Variants in NRXN3 observed in about 807,000 individuals in gnomAD.
The protein encoded by NRXN3 is neurexin III.
In NRXN3, 32 loss-of-function variants were observed where a neutral mutation model predicts 137.6. The observed-to-expected ratio is 0.23, with a 90% confidence interval of 0.18 to 0.31. NRXN3 has a LOEUF of 0.31. NRXN3 is among the 10% of genes least tolerant of loss of function. NRXN3 has a pLI of 1.00. For synonymous variants in NRXN3, 798 were observed against 784.5 expected, an observed-to-expected ratio of 1.02 and a Z score of -0.29; for missense variants, 1,574 against 2,062.5, an observed-to-expected ratio of 0.76 and a Z score of 4.59.
chr14:79,042,814 A>G (rs1392113502), intron 15 of NRXN3, among the ~76,000 whole-genome samples: 1 of 152,154 alleles, frequency 6.6e-6, no homozygotes, highest in Non-Finnish European at 1.5e-5. Context: ...AATTCTTGTA[A>G]ATTGGTATGG....
intron 10 of NRXN3, among the ~76,000 whole-genome samples, chr14:78,955,632 G>A (rs1158216138): frequency 6.6e-6 from 1 of 152,072 alleles, no homozygotes; most frequent in African/African-American, 2.4e-5. Flanking sequence ...AGCTTTGGGT[G>A]CATTCTGAAA....
chr14:78,322,268 T>A (rs1026530922), intron 4 of NRXN3, among the ~76,000 whole-genome samples: 10 of 151,920 alleles, frequency 6.6e-5, no homozygotes, highest in Non-Finnish European at 1.3e-4. Context: ...GCCACAGATG[T>A]TAGGAAAAGG....
intron 19 of NRXN3, among the ~76,000 whole-genome samples, chr14:79,757,565 A>ATGTT (rs1220836351): frequency 6.6e-6 from 1 of 152,176 alleles, no homozygotes; most frequent in Non-Finnish European, 1.5e-5. Context: ...GCATATGTGT[A>ATGTT]TGTTTGTATC....
At chr14:78,171,551 G>C (rs1011445967) in intron 1 of NRXN3, among the ~76,000 whole-genome samples, 6 of 151,682 alleles carry the variant, frequency 4.0e-5, no homozygotes, top group Non-Finnish European at 7.4e-5. Context: ...GCATTGTGCT[G>C]TACCCAGAGT....
At chr14:78,791,547 G>C (rs946482209) in intron 8 of NRXN3, among the ~76,000 whole-genome samples, 1 of 152,084 alleles carries the variant, frequency 6.6e-6, no homozygotes, top group East Asian at 1.9e-4. Flanking sequence ...TATATGAAAA[G>C]AAACTTAGTA....
intron 10 of NRXN3, among the ~76,000 whole-genome samples, chr14:78,818,200 C>A (rs556830029): frequency 2.0e-5 from 3 of 151,894 alleles, no homozygotes; most frequent in Non-Finnish European, 4.4e-5. Context: ...CACCTGCACA[C>A]ACAAAGAGTG....
At chr14:78,333,352 G>A (rs1419613484) in intron 4 of NRXN3, among the ~76,000 whole-genome samples, 2 of 152,192 alleles carry the variant, frequency 1.3e-5, no homozygotes, top group African/African-American at 4.8e-5. Context: ...TTTAGTGCGT[G>A]CCTACTGTGT....
rs1241405691 is a variant in NRXN3 at position 79,773,629 on chromosome 14, G to T, written c.4015-31483G>T. The stretch of plus-strand genomic sequence containing the variant: ...AACATCACACTCTGGGGACTGTTTT[G>T]GGGTGGGGGGAGGGGGGAGGGATAG... On this transcript the variant is annotated intron_variant, in intron 19 of 20. Transcript: ENST00000335750. Among the ~76,000 whole-genome samples the T allele has an allele frequency of 3.4e-5, 4 of 116,500 alleles. No individual in the cohort carries two copies. In the Admixed American group the frequency reaches 4.0e-4, roughly 12 times the overall value. 76.4% of individuals were successfully genotyped at this position (116,500 alleles called of 152,430 possible).
chr14:78,732,274 A>T (rs1168579564), intron 8 of NRXN3, among the ~76,000 whole-genome samples: 1 of 152,200 alleles, frequency 6.6e-6, no homozygotes, highest in African/African-American at 2.4e-5. Flanking sequence ...GTTTAACACT[A>T]TACCCACTCT....
intron 4 of NRXN3, among the ~76,000 whole-genome samples, chr14:78,612,548 G>A (rs142388893): frequency 1.1e-3 from 161 of 152,254 alleles, no homozygotes; most frequent in African/African-American, 3.8e-3. Context: ...GCAAAATTTT[G>A]TATGGATAAG....
intron 20 of NRXN3, among the ~76,000 whole-genome samples, chr14:79,831,671 C>T (rs547632586): frequency 4.6e-5 from 7 of 152,156 alleles, no homozygotes; most frequent in East Asian, 1.9e-4. Context: ...CAGTTTGTAC[C>T]GACTACTCAT....
In NRXN3 at chr14:79,861,848, C is replaced by A; in HGVS notation, c.4600C>A (p.Arg1534=). 6.2e-7 allele frequency: 1 copy of A among 1,614,024 alleles called. No individual in the cohort carries two copies. The highest frequency in any genetic ancestry group is 8.5e-7 in the Non-Finnish European group (1 of 1,180,024). Residue 1534 remains arginine, a synonymous_variant, in exon 21 of 21, where the codon CGG becomes AGG. Coordinates refer to ENST00000335750, the MANE Select transcript of NRXN3 (RefSeq NM_001330195.2). The surrounding 1 kb of genome is among the most constrained non-coding windows in gnomAD (Gnocchi z 5.4). ...GGGGTCCTATCAAGTGGACGAGACG[C>A]GGAACTACATCAGCAACTCCGCCCA... ...DEGSYQVDET[R]NYISNSAQSN... is the part of the protein sequence containing the mutation.
intron 15 of NRXN3, among the ~76,000 whole-genome samples, chr14:79,023,964 G>A (rs1454000489): frequency 6.6e-6 from 1 of 152,134 alleles, no homozygotes; most frequent in Non-Finnish European, 1.5e-5. Flanking sequence ...CATTCTTCAA[G>A]TGGCTATGTT....
At chr14:78,342,761 C>T (rs947019474) in intron 4 of NRXN3, among the ~76,000 whole-genome samples, 1 of 152,182 alleles carries the variant, frequency 6.6e-6, no homozygotes, top group Admixed American at 6.6e-5. Flanking sequence ...GTACCCCTTT[C>T]CTGGTCCCCA....
intron 15 of NRXN3, among the ~76,000 whole-genome samples, chr14:79,027,183 T>TC (rs1372658557): frequency 1.3e-5 from 2 of 151,518 alleles, no homozygotes; most frequent in Non-Finnish European, 2.9e-5. Context: ...AGCCATATAT[T>TC]CTTTTTTTTT....
intron 4 of NRXN3, among the ~76,000 whole-genome samples, chr14:78,450,438 G>T (rs2094524560): frequency 6.6e-6 from 1 of 152,186 alleles, no homozygotes; most frequent in Non-Finnish European, 1.5e-5. Context: ...CAGGAACTGT[G>T]CTCCAGTCTT....
At chr14:78,819,359 C>A (rs377035180) in intron 10 of NRXN3, among the ~76,000 whole-genome samples, 4 of 151,922 alleles carry the variant, frequency 2.6e-5, no homozygotes, top group African/African-American at 7.3e-5. Flanking sequence ...CAATAAAAAA[C>A]CAATATAACA....
At chr14:78,319,837 G>T (rs531531032) in intron 4 of NRXN3, among the ~76,000 whole-genome samples, 1 of 152,316 alleles carries the variant, frequency 6.6e-6, no homozygotes, top group African/African-American at 2.4e-5. Context: ...CCCCTGGGAA[G>T]AATGAGATCT....
intron 4 of NRXN3, among the ~76,000 whole-genome samples, chr14:78,331,618 T>C (rs1008151292): frequency 1.8e-4 from 27 of 152,114 alleles, no homozygotes; most frequent in Non-Finnish European, 1.0e-4. Flanking sequence ...CAGAAAATTG[T>C]GATTGAAGGC....
Sources: allele counts gnomAD v4.1 joint callset (sites outside exome capture counted in the v4.1 genomes callset), GRCh38; gene constraint gnomAD v4.1.1; non-coding constraint Gnocchi (gnomAD v3.1); transcripts MANE v1.5; gene names NCBI Gene and HGNC (gene_info 2026-07-23, HGNC 2026-07-21).